The following CLASRP variants were observed in gnomAD, a reference collection of about 807,000 sequenced individuals.
CLASRP encodes the protein CLK4-associating serine/arginine rich protein.
In CLASRP, 52 loss-of-function variants were observed where a neutral mutation model predicts 99.9. The ratio of observed to expected loss-of-function variants is 0.52; its 90% CI spans 0.42 to 0.66. CLASRP has a LOEUF of 0.66. CLASRP is among the 30% of genes least tolerant of loss of function. The pLI is 0.00. For synonymous variants in CLASRP, 379 were observed against 373.0 expected (o/e 1.02, Z -0.18); for missense variants, 848 against 999.2 (o/e 0.85, Z 2.04).
chr19:45,059,430 C>A, intron 8 of CLASRP, 66 bp downstream of exon 8: 1 of 1,304,024 alleles, frequency 7.7e-7, no homozygotes, highest in Non-Finnish European at 1.1e-6. Flanking sequence ...CACTATTACT[C>A]CCGGTATTGA....
intron 2 of CLASRP, among the ~76,000 whole-genome samples, chr19:45,042,675 T>C (rs1177955057): frequency 5.3e-5 from 8 of 151,848 alleles, no homozygotes; most frequent in African/African-American, 1.9e-4. Flanking sequence ...TGCAGTGGCA[T>C]GATGTCAGCT....
At chr19:45,048,410 C>T (rs549053607) in intron 2 of CLASRP, among the ~76,000 whole-genome samples, 10 of 151,422 alleles carry the variant, frequency 6.6e-5, no homozygotes, top group Admixed American at 5.9e-4. Context: ...TTGGTGCATG[C>T]CTGTACTCGG....
At chr19:45,056,401 T>TC in intron 5 of CLASRP, 49 bp from the exon 6 acceptor site, 1 of 1,557,692 alleles carries the variant, frequency 6.4e-7, no homozygotes. Flanking sequence ...CCCACTGAAT[T>TC]CCTAGTGTCC....
intron 13 of CLASRP, among the ~76,000 whole-genome samples, chr19:45,064,982 G>A (rs561800094): frequency 2.0e-5 from 3 of 152,214 alleles, no homozygotes; most frequent in Non-Finnish European, 2.9e-5. Context: ...AGGGTTTTCT[G>A]TAGCTTGAAG....
At chr19:45,066,118 GTTTCC>G (rs998028496) in intron 13 of CLASRP, among the ~76,000 whole-genome samples, 5 of 151,810 alleles carry the variant, frequency 3.3e-5, no homozygotes, top group Non-Finnish European at 7.4e-5. Flanking sequence ...GATAGCTCTT[GTTTCC>G]TTTACTTTTT....
intron 4 of CLASRP, 49 bp downstream of exon 4, chr19:45,052,941 C>G: frequency 1.3e-6 from 2 of 1,552,260 alleles, no homozygotes; most frequent in Non-Finnish European, 1.8e-6. Context: ...TACCCAGGAG[C>G]CCCTGTTCTT....
chr19:45,066,971 G>A (rs527789116), intron 13 of CLASRP, among the ~76,000 whole-genome samples: 5 of 150,954 alleles, frequency 3.3e-5, no homozygotes, highest in East Asian at 3.9e-4. Context: ...TGAGGTCACC[G>A]TGGAACACTG....
rs180856819 is a variant in CLASRP, at chr19:45,069,333, C to T, written c.1874+85C>T. ...CCATGGGCTGCTGGCTCAAGCCCTG[C>T]CCAGCTCCCTGTGGGTGGATGAAAG... On this transcript the variant is annotated intron_variant, in intron 18 of 20. Transcript: ENST00000221455. 5.8e-6 allele frequency: 8 copies of T among 1,383,082 alleles called. No homozygotes were observed. The African/African-American group carries it at 8.5e-5, about 15-fold the overall frequency. 85.7% of individuals were successfully genotyped at this position (1,383,082 alleles called of 1,614,324 possible).
At chr19:45,056,376 G>C in intron 5 of CLASRP, 74 bp from the exon 6 acceptor site, 1 of 1,350,728 alleles carries the variant, frequency 7.4e-7, no homozygotes, top group South Asian at 1.2e-5. Flanking sequence ...CTGCCCCACC[G>C]CACCCTTGTG....
rs1484975098 is a variant in CLASRP, at chr19:45,060,635, T to G, written c.863+8T>G. On this transcript the variant is annotated splice_region_variant and intron_variant, in intron 10 of 20. Transcript: ENST00000221455. The surrounding 1 kb of genome is among the most constrained non-coding windows in gnomAD (Gnocchi z 4.6). ...CAAGATCAGCCCACCCAGGTAGGGC[T>G]TCTCCCTGAACCCCCACCCTGCTGG... The G allele has an allele frequency of 6.3e-7, 1 of 1,583,702 alleles. No homozygotes were observed. Among genetic ancestry groups the G allele is most frequent in the Non-Finnish European group, 8.6e-7 (1 of 1,164,702 alleles).
intron 13 of CLASRP, among the ~76,000 whole-genome samples, chr19:45,064,996 C>G (rs369225708): frequency 6.6e-6 from 1 of 151,808 alleles, no homozygotes; most frequent in Admixed American, 6.6e-5. Context: ...CTTGAAGGGA[C>G]GGGTCCGGGC....
At chr19:45,046,839 C>T (rs1197118910) in intron 2 of CLASRP, among the ~76,000 whole-genome samples, 1 of 152,166 alleles carries the variant, frequency 6.6e-6, no homozygotes, top group Non-Finnish European at 1.5e-5. Context: ...ACCAGCCTGA[C>T]CAACATGGAG....
intron 7 of CLASRP, among the ~76,000 whole-genome samples, chr19:45,058,979 A>G (rs1317529821): frequency 6.6e-6 from 1 of 150,764 alleles, no homozygotes; most frequent in African/African-American, 2.4e-5. Flanking sequence ...CCCTTCATCC[A>G]TCCCTGCACC....
chr19:45,069,964 TC>T, intron 18 of CLASRP, 57 bp from the exon 19 acceptor site: 1 of 959,726 alleles, frequency 1.0e-6, no homozygotes, highest in Non-Finnish European at 1.7e-6. Flanking sequence ...GCACCTGCCC[TC>T]CCTGAGTTCA....
At chr19:45,064,320 G>T (rs770050005) in intron 12 of CLASRP, 23 bp from the exon 13 acceptor site, 1 of 1,516,158 alleles carries the variant, frequency 6.6e-7, no homozygotes, top group Non-Finnish European at 8.8e-7. Flanking sequence ...TGCGCTGACC[G>T]GCCCTCCGTG....
chr19:45,058,188 C>G, intron 7 of CLASRP: 1 of 443,602 alleles, frequency 2.3e-6, no homozygotes, highest in Admixed American at 3.4e-5. Flanking sequence ...TCTGCCTTTG[C>G]CCCTCTCTCC....
In CLASRP at chr19:45,067,970, C is replaced by A. The variant is rs371134228; in HGVS notation, c.1668-45C>A. 4 of 1,442,642 alleles carry A rather than the reference C, an allele frequency of 2.8e-6. No individual in the cohort carries two copies. Among genetic ancestry groups the A allele is most frequent in the Middle Eastern group, 1.9e-4 (1 of 5,394 alleles). The allele number at this position is 1,442,642 out of a possible 1,614,324, so 89.4% of individuals were successfully genotyped here. ...GGCTGGGGTCAGAGGTGGCAGCTGCCCTTTCCCCCTCCCAACCATGTCCTC... is the reference window on the plus strand; with the variant it reads ...GGCTGGGGTCAGAGGTGGCAGCTGCACTTTCCCCCTCCCAACCATGTCCTC... On this transcript the variant is annotated intron_variant, in intron 14 of 20. Transcript: ENST00000221455. This position sits in a 1 kb window ranked among gnomAD's most constrained non-coding sequence, Gnocchi z 4.9.
At chr19:45,049,333 TGC>T (rs1971979298) in intron 2 of CLASRP, among the ~76,000 whole-genome samples, 1 of 152,050 alleles carries the variant, frequency 6.6e-6, no homozygotes, top group African/African-American at 2.4e-5. Flanking sequence ...GGGAGCTGGG[TGC>T]GCTGTGTGGC....
intron 13 of CLASRP, among the ~76,000 whole-genome samples, chr19:45,066,232 G>A (rs559681092): frequency 4.9e-4 from 75 of 151,798 alleles, no homozygotes; most frequent in African/African-American, 1.7e-3. Flanking sequence ...TGATTCTCCC[G>A]CCGCAGCCTC....
Sources: allele counts gnomAD v4.1 joint callset (sites outside exome capture counted in the v4.1 genomes callset), GRCh38; gene constraint gnomAD v4.1.1; non-coding constraint Gnocchi (gnomAD v3.1); transcripts MANE v1.5; gene names NCBI Gene and HGNC (gene_info 2026-07-23, HGNC 2026-07-21).